Variants in NECAB1 observed in about 807,000 individuals in gnomAD.
NECAB1 encodes N-terminal EF-hand calcium binding protein 1.
Under a neutral mutation model 57.5 loss-of-function variants are expected in NECAB1, and 29 were observed. The observed-to-expected ratio is 0.50, with a 90% CI of 0.38 to 0.69. The LOEUF is 0.69. NECAB1 is among the 30% of genes least tolerant of loss of function. The pLI is 0.00. For synonymous variants in NECAB1, 142 were observed against 147.7 expected (o/e 0.96, Z 0.28); for missense variants, 372 against 413.8 (o/e 0.90, Z 0.88).
At position 90,942,649 on chromosome 8, in the gene NECAB1, C is replaced by T. The variant is rs186613591; in HGVS notation, c.860+1751C>T. On this transcript the variant is annotated intron_variant, in intron 10 of 12. Coordinates refer to ENST00000417640, the MANE Select transcript of NECAB1 (RefSeq NM_022351.5). ...CTATAATCCCAGCACTTTGGGAGGC[C>T]GAGGCAGGCAGATCACGAAGTCAGG... 2.1e-3 allele frequency among the ~76,000 whole-genome samples: 321 copies of T among 152,152 alleles called. 2 individuals carry two copies. The highest frequency in any genetic ancestry group is 0.01 in the Middle Eastern group (3 of 294).
At chr8:90,917,248 C>T (rs1190827590) in intron 5 of NECAB1, among the ~76,000 whole-genome samples, 3 of 151,926 alleles carry the variant, frequency 2.0e-5, no homozygotes, top group Admixed American at 2.0e-4. Context: ...TTTTCTTAAT[C>T]TTGAGGCAGG....
chr8:90,806,233 C>T (rs1006330680), intron 2 of NECAB1, among the ~76,000 whole-genome samples: 1 of 152,164 alleles, frequency 6.6e-6, no homozygotes, highest in African/African-American at 2.4e-5. Flanking sequence ...ACTGTTCCCT[C>T]TAAGAGATTG....
intron 9 of NECAB1, among the ~76,000 whole-genome samples, chr8:90,936,051 A>C (rs1158263639): frequency 6.6e-6 from 1 of 152,164 alleles, no homozygotes; most frequent in African/African-American, 2.4e-5. Flanking sequence ...TGTCATTAAA[A>C]GTTGTTTTTT....
chr8:90,895,294 C>A (rs1163179026), intron 5 of NECAB1, among the ~76,000 whole-genome samples: 1 of 152,194 alleles, frequency 6.6e-6, no homozygotes, highest in Admixed American at 6.5e-5. Context: ...TATGTGAGAC[C>A]TAGCTACCAA....
chr8:90,844,511 C>A (rs561752286), intron 3 of NECAB1, among the ~76,000 whole-genome samples: 2 of 152,280 alleles, frequency 1.3e-5, no homozygotes, highest in South Asian at 4.1e-4. Flanking sequence ...AGAGAGCATT[C>A]TTTCTATCTG....
At chr8:90,798,288 C>A (rs80081433) in intron 1 of NECAB1, among the ~76,000 whole-genome samples, 8,184 of 152,216 alleles carry the variant, frequency 0.054, 265 homozygotes, top group Non-Finnish European at 0.067. Context: ...TATTTCTTTT[C>A]TTTTTATAAC....
chr8:90,912,667 A>G (rs1809856788), intron 5 of NECAB1, among the ~76,000 whole-genome samples: 1 of 151,954 alleles, frequency 6.6e-6, no homozygotes, highest in African/African-American at 2.4e-5. Context: ...GACAAGTAAG[A>G]GCCAGTTCTT....
At chr8:90,911,468 G>C (rs1707567715) in intron 5 of NECAB1, among the ~76,000 whole-genome samples, 1 of 151,936 alleles carries the variant, frequency 6.6e-6, no homozygotes, top group African/African-American at 2.4e-5. Flanking sequence ...TACTATACTT[G>C]AGGCGAATCA....
intron 5 of NECAB1, among the ~76,000 whole-genome samples, chr8:90,891,267 T>G (rs1356953866): frequency 1.3e-5 from 2 of 152,200 alleles, no homozygotes; most frequent in Non-Finnish European, 2.9e-5. Flanking sequence ...TTTTGAATAA[T>G]GGAAATAAAG....
chr8:90,927,179 C>T (rs994337392), intron 7 of NECAB1, among the ~76,000 whole-genome samples: 22 of 149,808 alleles, frequency 1.5e-4, no homozygotes, highest in Non-Finnish European at 3.0e-4. Context: ...ATATTTTCTC[C>T]AATCAGCCCC....
intron 5 of NECAB1, among the ~76,000 whole-genome samples, chr8:90,900,419 G>A (rs958917276): frequency 1.3e-5 from 2 of 152,158 alleles, no homozygotes; most frequent in African/African-American, 4.8e-5. Flanking sequence ...GACTTAGCCA[G>A]TTCCAGGATG....
intron 6 of NECAB1, among the ~76,000 whole-genome samples, chr8:90,924,124 A>T (rs1355150941): frequency 6.6e-6 from 1 of 152,226 alleles, no homozygotes; most frequent in African/African-American, 2.4e-5. Flanking sequence ...ACCAGGCCAT[A>T]TGCAAATAAT....
At chr8:90,900,477 C>A (rs1014524173) in intron 5 of NECAB1, among the ~76,000 whole-genome samples, 3 of 152,140 alleles carry the variant, frequency 2.0e-5, no homozygotes, top group Non-Finnish European at 4.4e-5. Context: ...AAAACAAACA[C>A]AAAGGGGTTA....
intron 5 of NECAB1, among the ~76,000 whole-genome samples, chr8:90,894,566 T>A (rs995724025): frequency 4.6e-5 from 7 of 152,140 alleles, no homozygotes; most frequent in Admixed American, 2.0e-4. Context: ...ATGTAGGGGG[T>A]CTAGTACTGC....
At chr8:90,901,395 C>G (rs1015395354) in intron 5 of NECAB1, among the ~76,000 whole-genome samples, 2 of 152,148 alleles carry the variant, frequency 1.3e-5, no homozygotes, top group African/African-American at 4.8e-5. Context: ...TAATCAAGAG[C>G]CTTTGACCCT....
intron 10 of NECAB1, among the ~76,000 whole-genome samples, chr8:90,949,131 G>C (rs1810871256): frequency 6.7e-6 from 1 of 149,946 alleles, no homozygotes; most frequent in Admixed American, 6.7e-5. Flanking sequence ...ACTTCATCCA[G>C]AGACAACAGG....
At chr8:90,821,136 G>T (rs1812137974) in intron 2 of NECAB1, among the ~76,000 whole-genome samples, 1 of 151,712 alleles carries the variant, frequency 6.6e-6, no homozygotes. Context: ...ATCGCCCATT[G>T]ACTTTTCTAG....
chr8:90,794,244 T>C (rs1586026024), intron 1 of NECAB1, among the ~76,000 whole-genome samples: 2 of 152,230 alleles, frequency 1.3e-5, no homozygotes, highest in African/African-American at 4.8e-5. Context: ...ATTTGTGAAT[T>C]ATTCATTTCT....
At position 90,956,381 on chromosome 8, in the gene NECAB1, G is replaced by C. The variant is rs1354050365; in HGVS notation, c.*869G>C. 6.6e-6 allele frequency: 1 copy of C among 151,858 alleles called. No homozygotes were observed. Among genetic ancestry groups the C allele is most frequent in the Non-Finnish European group, 1.5e-5 (1 of 67,890 alleles). 9.4% of individuals were successfully genotyped at this position (151,858 alleles called of 1,614,324 possible). On this transcript the variant is annotated 3_prime_UTR_variant, in exon 13 of 13. Transcript: ENST00000417640. The stretch of plus-strand genomic sequence containing the variant: ...TGAAAAATAAAATTTTAACCCAAAT[G>C]AATAACTAAGAAATATAAAACAAGC...
Sources: allele counts gnomAD v4.1 joint callset (sites outside exome capture counted in the v4.1 genomes callset), GRCh38; gene constraint gnomAD v4.1.1; transcripts MANE v1.5; gene names NCBI Gene and HGNC (gene_info 2026-07-23, HGNC 2026-07-21).